HSPA12A: variants seen among roughly 807,000 people sequenced by gnomAD.
HSPA12A encodes the protein heat shock protein family A (Hsp70) member 12A.
A neutral mutation model predicts 69.2 loss-of-function variants in HSPA12A; 28 were observed. The ratio of observed to expected loss-of-function variants is 0.40; its 90% CI spans 0.30 to 0.55. The LOEUF (loss-of-function observed/expected upper bound fraction) is 0.55, where lower values mean the gene tolerates loss of function less well. Among genes scored for constraint, HSPA12A ranks in the 20% least tolerant of loss-of-function variants. HSPA12A has a pLI of 0.38. For missense variants in HSPA12A, 686 were observed against 900.7 expected (o/e 0.76, Z 3.05); for synonymous variants, 345 against 370.5 (o/e 0.93, Z 0.79).
intron 2 of HSPA12A, among the ~76,000 whole-genome samples, chr10:116,762,651 T>G (rs1843996427): frequency 6.6e-6 from 1 of 152,214 alleles, no homozygotes; most frequent in Admixed American, 6.5e-5. Context: ...TGGCACAGTC[T>G]CGGCTCACTA....
intron 1 of HSPA12A, among the ~76,000 whole-genome samples, chr10:116,725,723 G>A (rs1016637360): frequency 1.3e-5 from 2 of 152,074 alleles, no homozygotes; most frequent in Non-Finnish European, 2.9e-5. Flanking sequence ...CAGGGTGAGA[G>A]GGATATCCCA....
intron 9 of HSPA12A, 84 bp from the exon 10 acceptor site, chr10:116,679,845 TCA>T: frequency 1.4e-6 from 2 of 1,465,900 alleles, no homozygotes; most frequent in Non-Finnish European, 1.9e-6. Flanking sequence ...GCCCACCTGT[TCA>T]TCTCTGAGCC....
upstream of HSPA12A, among the ~76,000 whole-genome samples, chr10:116,742,739 C>T (rs558390718): frequency 5.7e-4 from 87 of 151,800 alleles, 2 homozygotes; most frequent in East Asian, 0.016. Context: ...CTGCGCTCCC[C>T]GCCCGCCCAG....
intron 3 of HSPA12A, among the ~76,000 whole-genome samples, chr10:116,703,979 T>C (rs1554881927): frequency 6.6e-6 from 1 of 152,216 alleles, no homozygotes; most frequent in African/African-American, 2.4e-5. Context: ...CTGGAGAGGA[T>C]GTGGAGAAAT....
intron 1 of HSPA12A, among the ~76,000 whole-genome samples, chr10:116,732,404 C>T (rs1851191989): frequency 6.7e-6 from 1 of 149,532 alleles, no homozygotes; most frequent in Admixed American, 6.7e-5. Flanking sequence ...CCTCCTAGAC[C>T]TAGCAGCAGG....
In HSPA12A at chr10:116,849,543, C is replaced by G. The variant is rs961937730; in HGVS notation, c.3+23G>C. The G allele has an allele frequency of 4.6e-6, 7 of 1,508,324 alleles. No individual in the cohort carries two copies. The South Asian group carries it at 9.2e-5, about 20-fold the overall frequency. The allele number at this position is 1,508,324 out of a possible 1,614,324, so 93.4% of individuals were successfully genotyped here. On this transcript the variant is annotated intron_variant, in intron 1 of 12. Transcript: ENST00000635765. The stretch of plus-strand genomic sequence containing the variant: ...GCTCGTGGGACCCCAGGCTAAACCC[C>G]GCTGTAGCCTTAAATCTCCTACCAT...
At chr10:116,806,690 A>C (rs555439534) in intron 2 of HSPA12A, among the ~76,000 whole-genome samples, 1 of 152,308 alleles carries the variant, frequency 6.6e-6, no homozygotes, top group East Asian at 1.9e-4. Context: ...GCCCTGGCTC[A>C]CAGTGCTAAG....
chr10:116,832,692 C>T (rs1403719450), intron 2 of HSPA12A: 1 of 152,204 alleles, frequency 6.6e-6, no homozygotes, highest in Non-Finnish European at 1.5e-5. Flanking sequence ...TCTGTCTTCA[C>T]TCAGTAGCTC....
intron 1 of HSPA12A, among the ~76,000 whole-genome samples, chr10:116,718,756 C>T (rs531442529): frequency 2.6e-5 from 4 of 151,966 alleles, no homozygotes; most frequent in East Asian, 3.9e-4. Context: ...TTCTAATTCA[C>T]CCAAAAAGTA....
Position 116,700,004 on chromosome 10 carries a change from C to G in HSPA12A, c.441+939G>C, listed in dbSNP as rs931511399. ...AATAGGAGCTTGCACTTGACTAGAA[C>G]TTAATCTGCACCAGGCATGGCTCTA... On this transcript the variant is annotated intron_variant, in intron 4 of 11. Transcript: ENST00000369209. Among the ~76,000 whole-genome samples, 5 of 152,232 alleles carry G rather than the reference C, an allele frequency of 3.3e-5. No individual in the cohort carries two copies. In the South Asian group the frequency reaches 1.0e-3, roughly 31 times the overall value.
intron 2 of HSPA12A, chr10:116,830,195 A>G (rs1400138631): frequency 2.0e-5 from 3 of 152,216 alleles, no homozygotes; most frequent in Admixed American, 2.0e-4. Flanking sequence ...ATGATACACC[A>G]TGGCAGAACT....
intron 2 of HSPA12A, among the ~76,000 whole-genome samples, chr10:116,766,230 G>A (rs1444924902): frequency 6.6e-6 from 1 of 152,122 alleles, no homozygotes; most frequent in Non-Finnish European, 1.5e-5. Flanking sequence ...GAAAGTCCTG[G>A]GTCCTAGGCT....
chr10:116,833,950 G>T (rs1485611776), intron 2 of HSPA12A, among the ~76,000 whole-genome samples: 1 of 152,190 alleles, frequency 6.6e-6, no homozygotes, highest in Non-Finnish European at 1.5e-5. Flanking sequence ...TCTGGGCTGG[G>T]GATTGCTAAT....
At chr10:116,783,857 C>G (rs1844517365) in intron 2 of HSPA12A, among the ~76,000 whole-genome samples, 1 of 152,116 alleles carries the variant, frequency 6.6e-6, no homozygotes, top group Admixed American at 6.5e-5. Flanking sequence ...CATGTGCCAC[C>G]ACGCCCAGCT....
intron 2 of HSPA12A, among the ~76,000 whole-genome samples, chr10:116,788,662 TGA>T: frequency 3.0e-5 from 1 of 33,700 alleles, no homozygotes; most frequent in South Asian, 2.5e-3. Flanking sequence ...TTTTGTAGCC[TGA>T]TTTTTTTCTC....
At chr10:116,775,092 G>A (rs61874878) in intron 2 of HSPA12A, among the ~76,000 whole-genome samples, 2,571 of 152,332 alleles carry the variant, frequency 0.017, 31 homozygotes, top group Non-Finnish European at 0.026. Flanking sequence ...CAGACACCTG[G>A]CACAGGTGCC....
chr10:116,813,503 T>C (rs1444921270), intron 2 of HSPA12A, among the ~76,000 whole-genome samples: 1 of 151,928 alleles, frequency 6.6e-6, no homozygotes, highest in Non-Finnish European at 1.5e-5. Flanking sequence ...CGCCTCAGCC[T>C]CCCAAAGTGC....
chr10:116,691,308 G>A (rs1311622590), intron 6 of HSPA12A, among the ~76,000 whole-genome samples: 1 of 152,256 alleles, frequency 6.6e-6, no homozygotes, highest in South Asian at 2.1e-4. Context: ...CCGAGTGAGC[G>A]CTGAAAACAA....
In HSPA12A at chr10:116,675,267, G is replaced by A. The variant is rs781819134; in HGVS notation, c.1542C>T (p.Ile514=). The stretch of plus-strand genomic sequence containing the variant: ...GGCCAAAGAGGACGGCACCCTTGAG[G>A]ATGGTGAGGCCCACGTCCTGGGGGA... The part of the protein sequence containing the change: ...IIIPQDVGLT[I]LKGAVLFGLD... The change falls in exon 12 of 12, where the codon ATC becomes ATT. Residue 514 remains isoleucine (I), a synonymous_variant. Coordinates refer to ENST00000369209, the MANE Select transcript of HSPA12A (RefSeq NM_025015.3). The surrounding 1 kb of genome is among the most constrained non-coding windows in gnomAD (Gnocchi z 5.2). 5 of 1,613,600 alleles carry A rather than the reference G, an allele frequency of 3.1e-6. No individual in the cohort carries two copies. In the Admixed American group the frequency reaches 8.3e-5, roughly 27 times the overall value.
Sources: allele counts gnomAD v4.1 joint callset (sites outside exome capture counted in the v4.1 genomes callset), GRCh38; gene constraint gnomAD v4.1.1; non-coding constraint Gnocchi (gnomAD v3.1); transcripts MANE v1.5; gene names NCBI Gene and HGNC (gene_info 2026-07-23, HGNC 2026-07-21).